The following ADGRA3 variants were observed in gnomAD, a reference collection of about 807,000 sequenced individuals.
ADGRA3 encodes the protein adhesion G protein-coupled receptor A3.
A neutral mutation model predicts 119.8 loss-of-function variants in ADGRA3; 56 were observed. The ratio of observed to expected loss-of-function variants is 0.47; its 90% CI spans 0.38 to 0.58. The LOEUF is 0.58. Among genes scored for constraint, ADGRA3 ranks in the 20% least tolerant of loss-of-function variants. The pLI, the probability that ADGRA3 is intolerant of heterozygous loss-of-function variation, is 0.00. For synonymous variants in ADGRA3, 607 were observed against 623.8 expected (o/e 0.97, Z 0.40); for missense variants, 1,516 against 1,649.0 (o/e 0.92, Z 1.40).
chr4:22,453,850 CTTTT>C (rs987498340), intron 4 of ADGRA3, among the ~76,000 whole-genome samples: 4 of 149,636 alleles, frequency 2.7e-5, no homozygotes, highest in South Asian at 2.1e-4. Context: ...TTCTTTATTA[CTTTT>C]TTTTTTATTT....
intron 1 of ADGRA3, among the ~76,000 whole-genome samples, chr4:22,514,882 C>G (rs1417952269): frequency 6.6e-6 from 1 of 152,140 alleles, no homozygotes; most frequent in Non-Finnish European, 1.5e-5. Context: ...CCACGGTTTT[C>G]AGTTCCAATG....
In ADGRA3 at chr4:22,477,154, G is replaced by A. The variant is rs1229081673; in HGVS notation, c.258-3311C>T. Among the ~76,000 whole-genome samples, 3 of 152,082 alleles carry A rather than the reference G, an allele frequency of 2.0e-5. No homozygotes were observed. In the East Asian group the frequency reaches 5.8e-4, roughly 29 times the overall value. On this transcript the variant is annotated intron_variant, in intron 1 of 18. Coordinates refer to ENST00000334304, the MANE Select transcript of ADGRA3 (RefSeq NM_145290.4). ...AACAAGTAAATAATTTATGCTTTGA[G>A]ATTAAAGAGCCACATTTATTTATTT...
intron 8 of ADGRA3, among the ~76,000 whole-genome samples, chr4:22,437,939 C>T (rs1716460107): frequency 6.6e-6 from 1 of 152,182 alleles, no homozygotes; most frequent in African/African-American, 2.4e-5. Flanking sequence ...CCTTACTTAA[C>T]CTGTTTGAAT....
At chr4:22,426,062 T>C (rs1351066014) in intron 10 of ADGRA3, among the ~76,000 whole-genome samples, 1 of 152,232 alleles carries the variant, frequency 6.6e-6, no homozygotes, top group Non-Finnish European at 1.5e-5. Flanking sequence ...AAACCGTGCC[T>C]GGCACATGGC....
At chr4:22,401,691 C>T in intron 15 of ADGRA3, 137 bp from the exon 16 acceptor site, 1 of 513,014 alleles carries the variant, frequency 1.9e-6, no homozygotes. Flanking sequence ...ACATATACTA[C>T]CAGACACACA....
chr4:22,390,731 A>C (rs1172512564), intron 17 of ADGRA3, among the ~76,000 whole-genome samples: 1 of 151,706 alleles, frequency 6.6e-6, no homozygotes, highest in Non-Finnish European at 1.5e-5. Flanking sequence ...TAGAGGGCGG[A>C]GCTTGAGCTG....
At chr4:22,412,660 A>T (rs1322447764) in intron 14 of ADGRA3, among the ~76,000 whole-genome samples, 1 of 152,162 alleles carries the variant, frequency 6.6e-6, no homozygotes, top group African/African-American at 2.4e-5. Flanking sequence ...AGAAAACAAC[A>T]CTAGACTGGC....
Position 22,387,990 on chromosome 4 carries a change from GTAGGCTAAA to G in ADGRA3, c.3672_3680del (p.Leu1225_Tyr1227del). ...GGGGTGGGTTGTACTGTCTCTCTCT[GTAGGCTAAA>G]TAAGCTCTTCGGCTCCTCGAGTGTC... On this transcript the variant is annotated inframe_deletion, in exon 19 of 19. Coordinates refer to ENST00000334304, the MANE Select transcript of ADGRA3 (RefSeq NM_145290.4). The G allele has an allele frequency of 6.2e-7, 1 of 1,614,176 alleles. No homozygotes were observed. The highest frequency in any genetic ancestry group is 1.1e-5 in the South Asian group (1 of 91,090).
At chr4:22,420,655 T>C (rs1715621534) in intron 12 of ADGRA3, 2 of 565,238 alleles carry the variant, frequency 3.5e-6, no homozygotes, top group African/African-American at 3.7e-5. Context: ...AAATGTAATT[T>C]CTGATATTTT....
Position 22,515,615 on chromosome 4 carries a change from C to A in ADGRA3, c.170G>T (p.Gly57Val). Residue 57 changes from glycine to valine, a missense_variant, in exon 1 of 19, where the codon GGC (glycine) becomes GTC (valine). Transcript: ENST00000334304. Reference protein sequence around the residue: ...GRPRGAGRAAGAAEGKVVCSS... With the variant: ...GRPRGAGRAAVAAEGKVVCSS... The stretch of plus-strand genomic sequence containing the variant: ...GCACACCACCTTGCCCTCGGCGGCG[C>A]CCGCCGCCCTGCCAGCCCCTCGGGG... 3 of 1,545,020 alleles carry A rather than the reference C, an allele frequency of 1.9e-6. No homozygotes were observed. Among genetic ancestry groups the A allele is most frequent in the Non-Finnish European group, 1.7e-6 (2 of 1,146,926 alleles).
chr4:22,402,649 C>T, intron 15 of ADGRA3, 26 bp downstream of exon 15: 1 of 1,601,888 alleles, frequency 6.2e-7, no homozygotes, highest in African/African-American at 1.3e-5. Flanking sequence ...GTCCGCAGAT[C>T]TATTTTGTCG....
intron 14 of ADGRA3, among the ~76,000 whole-genome samples, chr4:22,409,855 G>A (rs994374319): frequency 6.6e-5 from 10 of 152,100 alleles, no homozygotes; most frequent in African/African-American, 1.9e-4. Flanking sequence ...AACAATACGC[G>A]AGAAACAAAC....
chr4:22,479,407 G>A (rs1446180739), intron 1 of ADGRA3, among the ~76,000 whole-genome samples: 2 of 151,670 alleles, frequency 1.3e-5, no homozygotes, highest in Non-Finnish European at 2.9e-5. Flanking sequence ...AGCTTGCAGT[G>A]AGCCGAGATC....
chr4:22,406,008 T>G (rs1451547835), intron 14 of ADGRA3, among the ~76,000 whole-genome samples: 1 of 152,148 alleles, frequency 6.6e-6, no homozygotes, highest in African/African-American at 2.4e-5. Flanking sequence ...CCATTCTCCT[T>G]TCTACCTCCA....
chr4:22,455,000 T>C, intron 3 of ADGRA3, 63 bp from the exon 4 acceptor site: 1 of 1,151,208 alleles, frequency 8.7e-7, no homozygotes, highest in South Asian at 1.2e-5. Context: ...GTCTCATGCA[T>C]TCAGTATTCA....
chr4:22,462,640 G>T lies in ADGRA3; in HGVS notation c.330-832C>A, dbSNP rs543359971. 2.6e-5 allele frequency among the ~76,000 whole-genome samples: 4 copies of T among 152,214 alleles called. No individual in the cohort carries two copies. In the South Asian group the frequency reaches 8.3e-4, roughly 32 times the overall value. On this transcript the variant is annotated intron_variant, in intron 2 of 18. Transcript: ENST00000334304. Reference sequence around the variant, plus strand: ...TACGGTTAGGTTTTCTATGAGGTGAGGATATAAAATAAATGTGTGATAAAA... The same window carrying T: ...TACGGTTAGGTTTTCTATGAGGTGATGATATAAAATAAATGTGTGATAAAA...
intron 2 of ADGRA3, among the ~76,000 whole-genome samples, chr4:22,463,104 G>T (rs550210663): frequency 6.6e-6 from 1 of 152,316 alleles, no homozygotes; most frequent in South Asian, 2.1e-4. Context: ...TCCCAGGGAA[G>T]CTGAAGCCAT....
chr4:22,398,533 T>C (rs1484666327), intron 16 of ADGRA3, among the ~76,000 whole-genome samples: 1 of 152,184 alleles, frequency 6.6e-6, no homozygotes, highest in East Asian at 1.9e-4. Flanking sequence ...CTCTGTATCA[T>C]CACCCTACAA....
chr4:22,487,094 C>T (rs1462434321), intron 1 of ADGRA3, among the ~76,000 whole-genome samples: 4 of 152,214 alleles, frequency 2.6e-5, no homozygotes, highest in Non-Finnish European at 5.9e-5. Context: ...TGCTCCACCA[C>T]ACCAGTCTCC....
Sources: gnomAD v4.1 joint callset for allele counts (sites outside exome capture counted in the v4.1 genomes callset) on GRCh38, gnomAD v4.1.1 for gene constraint, MANE v1.5 for transcripts, NCBI Gene and HGNC (gene_info 2026-07-23, HGNC 2026-07-21) for gene names.